The following CDH18 variants were observed in gnomAD, a reference collection of about 807,000 sequenced individuals.
CDH18 encodes cadherin-18.
Under a neutral mutation model 67.9 loss-of-function variants are expected in CDH18, and 31 were observed. That is an observed-to-expected ratio of 0.46 (90% CI 0.34 to 0.62). The LOEUF is 0.62. Among genes scored for constraint, CDH18 ranks in the 20% least tolerant of loss-of-function variants. The pLI is 0.01. For synonymous variants in CDH18, 362 were observed against 347.2 expected (o/e 1.04, Z -0.48); for missense variants, 890 against 975.5 (o/e 0.91, Z 1.17).
chr5:20,573,612 A>G (rs1438373966), intron 1 of CDH18, among the ~76,000 whole-genome samples: 1 of 151,178 alleles, frequency 6.6e-6, no homozygotes, highest in East Asian at 1.9e-4. Flanking sequence ...AAGCAATAAT[A>G]CAATTATTAA....
chr5:19,764,678 T>C (rs1772843727), intron 3 of CDH18, among the ~76,000 whole-genome samples: 1 of 151,652 alleles, frequency 6.6e-6, no homozygotes, highest in African/African-American at 2.4e-5. Context: ...TATGTATATA[T>C]ATCTTTATAA....
intron 2 of CDH18, among the ~76,000 whole-genome samples, chr5:20,035,058 G>A (rs1410153492): frequency 1.3e-5 from 2 of 151,820 alleles, no homozygotes; most frequent in East Asian, 3.9e-4. Flanking sequence ...CTTTTTTTCT[G>A]TCTCAGCAAT....
intron 1 of CDH18, among the ~76,000 whole-genome samples, chr5:20,361,711 A>T (rs370135576): frequency 6.6e-6 from 1 of 152,112 alleles, no homozygotes; most frequent in African/African-American, 2.4e-5. Flanking sequence ...GTTTCTTAAT[A>T]CTGTATCTAT....
At chr5:20,574,279 T>C (rs1758993330) in intron 1 of CDH18, among the ~76,000 whole-genome samples, 1 of 151,966 alleles carries the variant, frequency 6.6e-6, no homozygotes, top group African/African-American at 2.4e-5. Context: ...ATTTAGAGTA[T>C]GTAATAATTC....
At chr5:19,650,029 CT>C (rs1340636013) in intron 5 of CDH18, among the ~76,000 whole-genome samples, 1 of 151,854 alleles carries the variant, frequency 6.6e-6, no homozygotes, top group East Asian at 1.9e-4. Context: ...AAAAATTTTA[CT>C]TTTTGCAATT....
chr5:20,515,589 C>G (rs1755320170), intron 1 of CDH18, among the ~76,000 whole-genome samples: 1 of 152,020 alleles, frequency 6.6e-6, no homozygotes, highest in Admixed American at 6.6e-5. Flanking sequence ...CATTTAACAG[C>G]TCGTTATTCT....
intron 2 of CDH18, among the ~76,000 whole-genome samples, chr5:20,195,845 G>A (rs1393188310): frequency 6.6e-6 from 1 of 152,016 alleles, no homozygotes; most frequent in African/African-American, 2.4e-5. Context: ...TGTAAATATT[G>A]AGACACTTTT....
chr5:19,575,901 T>C (rs1445949102), intron 7 of CDH18, among the ~76,000 whole-genome samples: 1 of 152,126 alleles, frequency 6.6e-6, no homozygotes, highest in African/African-American at 2.4e-5. Flanking sequence ...TCAATTTATA[T>C]TGTAATTCAA....
At chr5:19,687,123 ACT>A (rs1761203738) in intron 5 of CDH18, among the ~76,000 whole-genome samples, 1 of 152,162 alleles carries the variant, frequency 6.6e-6, no homozygotes, top group African/African-American at 2.4e-5. Context: ...AAGGCTCCCC[ACT>A]GTGTGGAGCA....
In CDH18 at chr5:19,945,996, T is replaced by A. The variant is rs116394686; in HGVS notation, c.-257+35064A>T. On this transcript the variant is annotated intron_variant, in intron 2 of 12. Transcript: ENST00000382275. ...CACGCTCCACCAAATATGTAATACA[T>A]CAAGAAAGGGAAAGAAGCTCACACA... Among the ~76,000 whole-genome samples the A allele has an allele frequency of 2.1e-3, 313 of 151,722 alleles. 2 individuals carry two copies. Among genetic ancestry groups the A allele is most frequent in the African/African-American group, 7.0e-3 (291 of 41,368 alleles).
intron 5 of CDH18, among the ~76,000 whole-genome samples, chr5:19,705,861 C>T (rs1220315261): frequency 2.0e-5 from 3 of 152,112 alleles, no homozygotes; most frequent in African/African-American, 7.2e-5. Flanking sequence ...TTCTTGATAA[C>T]CATTTTCCTA....
intron 2 of CDH18, among the ~76,000 whole-genome samples, chr5:19,885,295 G>A (rs557228688): frequency 1.3e-5 from 2 of 152,112 alleles, no homozygotes; most frequent in South Asian, 2.1e-4. Context: ...TGGTGTGACC[G>A]TTAAGTTATA....
chr5:20,542,508 T>C (rs1186288574), intron 1 of CDH18, among the ~76,000 whole-genome samples: 2 of 151,602 alleles, frequency 1.3e-5, no homozygotes, highest in African/African-American at 4.8e-5. Flanking sequence ...GTATATATAT[T>C]GTGCGTATGC....
At chr5:20,416,328 A>G (rs1030541023) in intron 1 of CDH18, among the ~76,000 whole-genome samples, 2 of 152,178 alleles carry the variant, frequency 1.3e-5, no homozygotes, top group African/African-American at 4.8e-5. Flanking sequence ...AGTCTGTTCT[A>G]TTAATAGAGA....
intron 3 of CDH18, among the ~76,000 whole-genome samples, chr5:19,824,531 C>T (rs937307039): frequency 4.6e-5 from 7 of 152,156 alleles, no homozygotes; most frequent in African/African-American, 1.2e-4. Context: ...GAGAGCCACC[C>T]GGACATTTTG....
chr5:20,206,565 A>G (rs1044041397), intron 2 of CDH18, among the ~76,000 whole-genome samples: 4 of 152,008 alleles, frequency 2.6e-5, no homozygotes, highest in African/African-American at 9.7e-5. Flanking sequence ...TGGTGAATAC[A>G]TATGTCAAAA....
chr5:20,150,172 G>T (rs554917808), intron 2 of CDH18, among the ~76,000 whole-genome samples: 1 of 152,116 alleles, frequency 6.6e-6, no homozygotes, highest in African/African-American at 2.4e-5. Context: ...CTAGGTTTAA[G>T]AAATTATAAT....
chr5:20,042,886 CGGGAGGCAG>C (rs1740565089), intron 2 of CDH18, among the ~76,000 whole-genome samples: 1 of 151,850 alleles, frequency 6.6e-6, no homozygotes, highest in South Asian at 2.1e-4. Flanking sequence ...GGCGTGAACC[CGGGAGGCAG>C]AGCTTGCAGT....
At chr5:20,300,311 T>C (rs1006049635) in intron 1 of CDH18, among the ~76,000 whole-genome samples, 2 of 151,020 alleles carry the variant, frequency 1.3e-5, no homozygotes, top group Non-Finnish European at 3.0e-5. Flanking sequence ...TGCGTGTGTG[T>C]GTGTGTGTGT....
Sources: gnomAD v4.1 joint callset for allele counts (sites outside exome capture counted in the v4.1 genomes callset) on GRCh38, gnomAD v4.1.1 for gene constraint, MANE v1.5 for transcripts, NCBI Gene and HGNC (gene_info 2026-07-23, HGNC 2026-07-21) for gene names.